Variants in ADAM7 observed in about 807,000 individuals in gnomAD.
The protein encoded by ADAM7 is disintegrin and metalloproteinase domain-containing protein 7.
In ADAM7, 97 loss-of-function variants were observed where a neutral mutation model predicts 102.9. The ratio of observed to expected loss-of-function variants is 0.94; its 90% CI spans 0.80 to 1.12. The LOEUF is 1.12. Ranked by LOEUF, ADAM7 falls within the 50% of genes most tolerant of loss-of-function variation. ADAM7 has a pLI of 0.00. For missense variants in ADAM7, 991 were observed against 908.7 expected (o/e 1.09, Z -1.16); for synonymous variants, 334 against 304.4 (o/e 1.10, Z -1.01).
intron 12 of ADAM7, among the ~76,000 whole-genome samples, chr8:24,489,827 C>T (rs896361268): frequency 3.9e-5 from 6 of 152,136 alleles, no homozygotes; most frequent in African/African-American, 1.4e-4. Context: ...TTAGGAAAAG[C>T]CCTTGAGGCA....
At chr8:24,488,448 T>C (rs1820220745) in intron 11 of ADAM7, among the ~76,000 whole-genome samples, 2 of 152,142 alleles carry the variant, frequency 1.3e-5, no homozygotes, top group Admixed American at 1.3e-4. Flanking sequence ...GTAAAGTGAC[T>C]AACACAACTA....
At chr8:24,501,122 T>C (rs1468419198) in intron 19 of ADAM7, among the ~76,000 whole-genome samples, 1 of 152,138 alleles carries the variant, frequency 6.6e-6, no homozygotes, top group Non-Finnish European at 1.5e-5. Context: ...TTTCAAAAAA[T>C]ACTGATGTGG....
chr8:24,493,141 C>T lies in ADAM7; in HGVS notation c.1754C>T (p.Ala585Val), dbSNP rs1483858992. The change falls in exon 16 of 22, where the codon GCT (alanine) becomes GTT (valine). Residue 585 changes from alanine (A) to valine (V), a missense_variant. By Grantham distance (64) the Ala-to-Val change is moderately conservative (BLOSUM62 0). Coordinates refer to ENST00000175238, the MANE Select transcript of ADAM7 (RefSeq NM_003817.4). The stretch of plus-strand genomic sequence containing the variant: ...CACCTTAAGGATCCCCAGAAGAATG[C>T]TACTGTCAAATGCAAAACTATTTTT... ...TYHLKDPQKN[A>V]TVKCKTIFLY... The T allele has an allele frequency of 1.2e-6, 2 of 1,613,390 alleles. No homozygotes were observed. The highest frequency in any genetic ancestry group is 1.7e-6 in the Non-Finnish European group (2 of 1,179,614).
chr8:24,456,597 T>G (rs536857300), intron 3 of ADAM7, among the ~76,000 whole-genome samples: 189 of 151,366 alleles, frequency 1.2e-3, no homozygotes, highest in African/African-American at 4.4e-3. Flanking sequence ...TTCATGCTTC[T>G]CCTGAGTCAC....
At chr8:24,451,109 C>A (rs1274680464) in intron 3 of ADAM7, among the ~76,000 whole-genome samples, 1 of 151,722 alleles carries the variant, frequency 6.6e-6, no homozygotes, top group Non-Finnish European at 1.5e-5. Context: ...GTCTAAAATT[C>A]TCTTTTTTGG....
intron 3 of ADAM7, among the ~76,000 whole-genome samples, chr8:24,462,478 A>G (rs770917957): frequency 7.6e-4 from 116 of 152,240 alleles, no homozygotes; most frequent in Middle Eastern, 3.4e-3. Context: ...ATGCTGTAAA[A>G]CTGGAAACTT....
At chr8:24,498,791 A>G (rs1254654901) in intron 16 of ADAM7, among the ~76,000 whole-genome samples, 1 of 151,908 alleles carries the variant, frequency 6.6e-6, no homozygotes, top group Non-Finnish European at 1.5e-5. Context: ...TTAAAGCAAA[A>G]ATATTAAACA....
chr8:24,476,517 A>G lies in ADAM7; in HGVS notation c.705+13A>G. The G allele has an allele frequency of 1.3e-6, 2 of 1,594,168 alleles. No individual in the cohort carries two copies. Among genetic ancestry groups the G allele is most frequent in the Non-Finnish European group, 1.7e-6 (2 of 1,163,704 alleles). On this transcript the variant is annotated intron_variant, in intron 8 of 21. Coordinates refer to ENST00000175238, the MANE Select transcript of ADAM7 (RefSeq NM_003817.4). ...TTTTGTCAACATGGTAAGATTTGAT[A>G]CAGTTTTTGAATCAAGCCAATAATA... is the stretch of plus-strand genomic sequence containing the variant.
At chr8:24,506,074 G>C (rs1820939638) in intron 20 of ADAM7, 1 of 1,540,350 alleles carries the variant, frequency 6.5e-7, no homozygotes, top group Admixed American at 2.0e-5. Flanking sequence ...CAGGTTAATA[G>C]TATCTCTTCT....
intron 20 of ADAM7, among the ~76,000 whole-genome samples, chr8:24,505,018 G>A (rs552865296): frequency 6.6e-6 from 1 of 152,208 alleles, no homozygotes; most frequent in South Asian, 2.1e-4. Flanking sequence ...ACCGCATGAT[G>A]CTAATGTAAT....
chr8:24,466,689 T>C, intron 5 of ADAM7, 110 bp from the exon 6 acceptor site: 1 of 945,108 alleles, frequency 1.1e-6, no homozygotes. Flanking sequence ...CTCCTACCTG[T>C]TCATGAAGCA....
At chr8:24,458,899 T>G (rs1451120466) in intron 3 of ADAM7, among the ~76,000 whole-genome samples, 1 of 151,870 alleles carries the variant, frequency 6.6e-6, no homozygotes, top group African/African-American at 2.4e-5. Flanking sequence ...TCATTATACC[T>G]TATATATTAT....
At chr8:24,459,309 A>G (rs1819155045) in intron 3 of ADAM7, among the ~76,000 whole-genome samples, 5 of 151,904 alleles carry the variant, frequency 3.3e-5, no homozygotes, top group Admixed American at 3.3e-4. Context: ...GTGTTTCATA[A>G]TATTATCTTA....
intron 16 of ADAM7, among the ~76,000 whole-genome samples, chr8:24,493,647 T>G (rs1314527721): frequency 6.6e-6 from 1 of 152,140 alleles, no homozygotes; most frequent in East Asian, 1.9e-4. Context: ...ACAGTAAAAA[T>G]TACATGATTA....
At chr8:24,454,234 T>G (rs1368962957) in intron 3 of ADAM7, among the ~76,000 whole-genome samples, 1 of 152,222 alleles carries the variant, frequency 6.6e-6, no homozygotes, top group Non-Finnish European at 1.5e-5. Context: ...TCTTTTTGTT[T>G]GTCTGTGCCC....
intron 3 of ADAM7, among the ~76,000 whole-genome samples, chr8:24,447,873 G>T (rs1818622012): frequency 6.6e-6 from 1 of 151,354 alleles, no homozygotes. Context: ...ATGCTAAGCA[G>T]AAAGAAAGAG....
intron 3 of ADAM7, among the ~76,000 whole-genome samples, chr8:24,455,550 AG>A (rs1224859821): frequency 6.6e-6 from 1 of 152,184 alleles, no homozygotes; most frequent in Non-Finnish European, 1.5e-5. Context: ...CTGGAACTAC[AG>A]GCACATGCCA....
At chr8:24,479,096 G>A (rs943795673) in intron 8 of ADAM7, among the ~76,000 whole-genome samples, 5 of 151,936 alleles carry the variant, frequency 3.3e-5, no homozygotes, top group Admixed American at 1.3e-4. Flanking sequence ...ACCTCAGCAC[G>A]TTTATTGAGA....
At chr8:24,448,727 T>A (rs1465507747) in intron 3 of ADAM7, among the ~76,000 whole-genome samples, 1 of 151,924 alleles carries the variant, frequency 6.6e-6, no homozygotes, top group Non-Finnish European at 1.5e-5. Context: ...TGCAGGTTAG[T>A]TTACATGGGC....
Sources: allele counts gnomAD v4.1 joint callset (sites outside exome capture counted in the v4.1 genomes callset), GRCh38; gene constraint gnomAD v4.1.1; transcripts MANE v1.5; gene names NCBI Gene and HGNC (gene_info 2026-07-23, HGNC 2026-07-21).